Variants in P4HA2 observed in about 807,000 individuals in gnomAD.
P4HA2 encodes the protein prolyl 4-hydroxylase subunit alpha 2.
P4HA2 carries 46 observed loss-of-function variants against 76.9 expected under a neutral mutation model. The observed-to-expected ratio is 0.60, with a 90% CI of 0.47 to 0.76. The LOEUF (loss-of-function observed/expected upper bound fraction) is 0.76, where lower values mean the gene tolerates loss of function less well. Ranked by LOEUF, P4HA2 falls within the 30% of genes least tolerant of loss-of-function variation. P4HA2 has a pLI of 0.00. For missense variants in P4HA2, 583 were observed against 669.4 expected (o/e 0.87, Z 1.42); for synonymous variants, 243 against 254.0 (o/e 0.96, Z 0.41).
At chr5:132,196,860 CAAAAAA>C (rs34410092) in intron 12 of P4HA2, among the ~76,000 whole-genome samples, 1 of 100,036 alleles carries the variant, frequency 1.0e-5, no homozygotes, top group African/African-American at 4.0e-5. Context: ...GAGTCTGTCT[CAAAAAA>C]AAAAAAAAAA....
chr5:132,223,764 A>G (rs1754953421), intron 1 of P4HA2, among the ~76,000 whole-genome samples: 1 of 152,254 alleles, frequency 6.6e-6, no homozygotes, highest in South Asian at 2.1e-4. Flanking sequence ...CATTTCAGAT[A>G]TAAGATAGAT....
chr5:132,215,498 G>A (rs575918003), intron 4 of P4HA2, among the ~76,000 whole-genome samples: 2 of 152,332 alleles, frequency 1.3e-5, no homozygotes, highest in East Asian at 1.9e-4. Flanking sequence ...AAAGGCAGCC[G>A]TGGTTTCTGG....
rs553871979 is a variant in P4HA2, at chr5:132,195,050, C to G, written c.1435-28G>C. ...GGGAAAGAGATGGCCTTTCAGAACA[C>G]ATTCTTAAGAGACTGTGCTCAGGGA... On this transcript the variant is annotated intron_variant, in intron 13 of 14. Transcript: ENST00000360568. The G allele has an allele frequency of 2.1e-6, 3 of 1,452,898 alleles. No individual in the cohort carries two copies. The South Asian group carries it at 3.4e-5, about 17-fold the overall frequency. 90.0% of individuals were successfully genotyped at this position (1,452,898 alleles called of 1,614,324 possible).
intron 9 of P4HA2, 40 bp from the exon 10 acceptor site, chr5:132,203,887 G>A: frequency 6.8e-7 from 1 of 1,478,452 alleles, no homozygotes; most frequent in South Asian, 1.1e-5. Context: ...AAGACGGAAG[G>A]GCAGGCTTCC....
intron 1 of P4HA2, among the ~76,000 whole-genome samples, chr5:132,219,873 G>A (rs1430863473): frequency 1.3e-5 from 2 of 152,070 alleles, no homozygotes; most frequent in Non-Finnish European, 2.9e-5. Flanking sequence ...TTCCAGGTTA[G>A]GCTCAGAGAA....
At chr5:132,218,922 G>A (rs957735070) in intron 1 of P4HA2, among the ~76,000 whole-genome samples, 5 of 152,164 alleles carry the variant, frequency 3.3e-5, no homozygotes, top group South Asian at 2.1e-4. Flanking sequence ...ATGAGAAGGC[G>A]GAATCGCAGT....
chr5:132,224,628 T>C (rs762747547), intron 1 of P4HA2, among the ~76,000 whole-genome samples: 1 of 152,210 alleles, frequency 6.6e-6, no homozygotes, highest in Non-Finnish European at 1.5e-5. Context: ...TCAGGTATAA[T>C]GTAGTACATT....
Position 132,214,009 on chromosome 5 carries a change from C to G in P4HA2, c.376G>C (p.Asp126His), listed in dbSNP as rs754500664. 5 of 1,613,970 alleles carry G rather than the reference C, an allele frequency of 3.1e-6. No individual in the cohort carries two copies. The African/African-American group carries it at 6.7e-5, about 22-fold the overall frequency. The change falls in exon 5 of 15, where the codon GAT becomes CAT. Residue 126 changes from aspartate (D) to histidine (H), a missense_variant. By Grantham distance (81) the Asp-to-His change is moderately conservative. Transcript: ENST00000360568. ...LSVQRQFFPT[D>H]EDEIGAAKAL... ...TTGGCAGCTCCTATCTCGTCCTCAT[C>G]AGTGGGGAAGAACTGCCGCTGCACA...
intron 8 of P4HA2, among the ~76,000 whole-genome samples, chr5:132,207,267 G>C (rs1370627465): frequency 1.3e-5 from 2 of 152,206 alleles, no homozygotes; most frequent in African/African-American, 4.8e-5. Flanking sequence ...GGAGAGACCT[G>C]TCATGCCCTT....
chr5:132,208,034 G>T, intron 7 of P4HA2, 150 bp from the exon 8 acceptor site: 1 of 604,034 alleles, frequency 1.7e-6, no homozygotes. Flanking sequence ...CAGCAGGTGG[G>T]CATGCACAGT....
intron 1 of P4HA2, among the ~76,000 whole-genome samples, chr5:132,221,567 C>T (rs1459893686): frequency 1.3e-5 from 2 of 152,122 alleles, no homozygotes; most frequent in Non-Finnish European, 2.9e-5. Flanking sequence ...CAATAATATG[C>T]ACTCTATAAT....
At chr5:132,206,293 A>G (rs1436797070) in intron 8 of P4HA2, among the ~76,000 whole-genome samples, 1 of 152,174 alleles carries the variant, frequency 6.6e-6, no homozygotes, top group Non-Finnish European at 1.5e-5. Flanking sequence ...GGAGCTGAGT[A>G]GAAAGGGGAG....
At chr5:132,196,314 G>A (rs1750637293) in intron 12 of P4HA2, among the ~76,000 whole-genome samples, 2 of 152,096 alleles carry the variant, frequency 1.3e-5, no homozygotes, top group Non-Finnish European at 1.5e-5. Context: ...TTCTTTTCTA[G>A]AACCCCAAGG....
intron 8 of P4HA2, 38 bp downstream of exon 8, chr5:132,207,670 C>T (rs771753888): frequency 6.3e-7 from 1 of 1,582,094 alleles, no homozygotes; most frequent in Non-Finnish European, 8.7e-7. Context: ...GGACCTTCCC[C>T]CTTCAGTGAC....
intron 12 of P4HA2, among the ~76,000 whole-genome samples, chr5:132,196,115 G>T (rs1750605987): frequency 1.3e-5 from 2 of 152,172 alleles, no homozygotes; most frequent in Non-Finnish European, 2.9e-5. Flanking sequence ...TTGACTCATG[G>T]CCAAAGCACT....
intron 10 of P4HA2, chr5:132,202,619 T>G (rs1751670937): frequency 6.6e-6 from 1 of 152,170 alleles, no homozygotes; most frequent in Non-Finnish European, 1.5e-5. Flanking sequence ...GTTCCAATAT[T>G]TATAAGGGAA....
chr5:132,217,137 A>T, intron 4 of P4HA2, 60 bp downstream of exon 4: 1 of 1,538,844 alleles, frequency 6.5e-7, no homozygotes. Flanking sequence ...AGACACAACA[A>T]CCCAGGCATG....
chr5:132,214,353 A>G (rs1009706523), intron 4 of P4HA2, among the ~76,000 whole-genome samples: 1 of 152,228 alleles, frequency 6.6e-6, no homozygotes, highest in African/African-American at 2.4e-5. Context: ...CAAATCATTC[A>G]GTCAGAGCTG....
Position 132,207,822 on chromosome 5 carries a change from C to A in P4HA2, c.966G>T (p.Leu322=). ...RYHHGNRAPQ[L]LIAPFKEEDE... ...CCTCCTCTTTGAAGGGGGCAATGAG[C>A]AGCTGTGGGGCCCTGTTGCCATGGT... Residue 322 remains leucine (L), a synonymous_variant, in exon 8 of 15, where the codon CTG becomes CTT. Transcript: ENST00000360568. 6.2e-7 allele frequency: 1 copy of A among 1,610,788 alleles called. No individual in the cohort carries two copies. The highest frequency in any genetic ancestry group is 8.5e-7 in the Non-Finnish European group (1 of 1,178,374).
Sources: gnomAD v4.1 joint callset for allele counts (sites outside exome capture counted in the v4.1 genomes callset) on GRCh38, gnomAD v4.1.1 for gene constraint, MANE v1.5 for transcripts, NCBI Gene and HGNC (gene_info 2026-07-23, HGNC 2026-07-21) for gene names.